The following RPS9 variants were observed in gnomAD, a reference collection of about 807,000 sequenced individuals.
RPS9 encodes small ribosomal subunit protein uS4.
In RPS9, 1 loss-of-function variant was observed where a neutral mutation model predicts 16.9. The ratio of observed to expected loss-of-function variants is 0.06; its 90% CI spans 0.02 to 0.28. RPS9 has a LOEUF of 0.28. RPS9 is among the 10% of genes least tolerant of loss of function. The probability of loss-of-function intolerance (pLI) is 1.00; values close to 1 mark genes in which losing one functional copy is unlikely to be tolerated. For missense variants in RPS9, 137 were observed against 273.2 expected, an observed-to-expected ratio of 0.50 and a Z score of 3.51; for synonymous variants, 106 against 110.9, an observed-to-expected ratio of 0.96 and a Z score of 0.28.
intron 4 of RPS9, chr19:54,206,783 G>A (rs1186357394): frequency 7.1e-7 from 1 of 1,406,864 alleles, no homozygotes; most frequent in Non-Finnish European, 9.3e-7. Context: ...CGCTTGGGTG[G>A]TGGGTTCAGC....
At position 54,206,547 on chromosome 19, in the gene RPS9, A is replaced by G. The variant is rs570217307; in HGVS notation, c.407+85A>G. ...ACTAAGCCTGCTGTCCCTATCTCCTATGCAGCCCTCGGAGGTGATGGGTGT... is the reference window on the plus strand; with the variant it reads ...ACTAAGCCTGCTGTCCCTATCTCCTGTGCAGCCCTCGGAGGTGATGGGTGT... On this transcript the variant is annotated intron_variant, in intron 4 of 4. Coordinates refer to ENST00000302907, the MANE Select transcript of RPS9 (RefSeq NM_001013.4). 1.2e-4 allele frequency: 183 copies of G among 1,579,754 alleles called. 2 individuals carry two copies. The highest frequency in any genetic ancestry group is 1.1e-3 in the South Asian group (94 of 87,644).
chr19:54,202,480 C>G (rs2077091914), intron 3 of RPS9: 1 of 985,008 alleles, frequency 1.0e-6, no homozygotes, highest in Non-Finnish European at 1.2e-6. Flanking sequence ...TGTAAAATGT[C>G]TCAGGGAACA....
chr19:54,204,798 G>A (rs2077185324), intron 3 of RPS9, among the ~76,000 whole-genome samples: 1 of 151,984 alleles, frequency 6.6e-6, no homozygotes, highest in Non-Finnish European at 1.5e-5. Flanking sequence ...CATTTTCATT[G>A]CCTTTTGGAC....
chr19:54,204,773 A>G (rs1165060688), intron 3 of RPS9, among the ~76,000 whole-genome samples: 1 of 152,200 alleles, frequency 6.6e-6, no homozygotes, highest in Non-Finnish European at 1.5e-5. Flanking sequence ...CCAAAGAGGT[A>G]AATGGTCCCA....
At chr19:54,207,089 A>G in intron 4 of RPS9, 1 of 466,730 alleles carries the variant, frequency 2.1e-6, no homozygotes, top group Admixed American at 3.9e-5. Flanking sequence ...GGGGTTCACG[A>G]TATTTCAGAC....
intron 3 of RPS9, chr19:54,202,637 G>C (rs1352798378): frequency 1.0e-6 from 1 of 985,214 alleles, no homozygotes; most frequent in Non-Finnish European, 1.2e-6. Context: ...GGTGTTATTG[G>C]AGTGCTTTCT....
Position 54,200,880 on chromosome 19 carries a change from T to A in RPS9, c.-34T>A. 1 of 1,085,550 alleles carries A rather than the reference T, an allele frequency of 9.2e-7. No homozygotes were observed. The highest frequency in any genetic ancestry group is 1.1e-6 in the Non-Finnish European group (1 of 889,226). 67.2% of individuals were successfully genotyped at this position (1,085,550 alleles called of 1,614,324 possible). A position where few individuals can be genotyped will look rare whatever the true frequency, so the allele number is the denominator to read the frequency against. On this transcript the variant is annotated 5_prime_UTR_variant, in exon 1 of 5. Coordinates refer to ENST00000302907, the MANE Select transcript of RPS9 (RefSeq NM_001013.4). ...CGCCTCTTTCTCAGTGACCGGGTGGTTTGCTTAGGTGAGGTGCGGTGGTGT... is the reference window on the plus strand; with the variant it reads ...CGCCTCTTTCTCAGTGACCGGGTGGATTGCTTAGGTGAGGTGCGGTGGTGT...
intron 3 of RPS9, among the ~76,000 whole-genome samples, chr19:54,205,813 G>T (rs1390713817): frequency 6.6e-6 from 1 of 152,086 alleles, no homozygotes; most frequent in Non-Finnish European, 1.5e-5. Context: ...GGGTAGTTTG[G>T]TTTTTTGTAT....
chr19:54,206,265 A>G lies in RPS9; in HGVS notation c.221-11A>G, dbSNP rs756548837. On this transcript the variant is annotated splice_polypyrimidine_tract_variant and intron_variant, in intron 3 of 4. Coordinates refer to ENST00000302907, the MANE Select transcript of RPS9 (RefSeq NM_001013.4). ...GAAGGCGGAATCAGTGTTTCCTCCC[A>G]CTCTTCCCAGGCAACGCCCTGCTGC... 9.9e-6 allele frequency: 16 copies of G among 1,609,276 alleles called. No homozygotes were observed. Among genetic ancestry groups the G allele is most frequent in the Non-Finnish European group, 1.2e-5 (14 of 1,176,422 alleles).
chr19:54,204,562 G>A (rs3852889), intron 3 of RPS9, among the ~76,000 whole-genome samples: 39,979 of 151,818 alleles, frequency 0.26, 6,534 homozygotes, highest in East Asian at 0.49. Flanking sequence ...CACCATGCCC[G>A]GCTAATTTAG....
chr19:54,206,930 T>A (rs2077261838), intron 4 of RPS9: 1 of 505,072 alleles, frequency 2.0e-6, no homozygotes, highest in Admixed American at 3.6e-5. Flanking sequence ...ATGTTTGCGT[T>A]TAGAATCTTC....
At chr19:54,206,832 G>A (rs1291003228) in intron 4 of RPS9, 14 of 953,264 alleles carry the variant, frequency 1.5e-5, no homozygotes, top group African/African-American at 3.3e-5. Context: ...TCCAGACCCC[G>A]ATCCATGACT....
At position 54,206,391 on chromosome 19, in the gene RPS9, C is replaced by A; in HGVS notation, c.336C>A (p.Thr112=). ...ATTTCTTAGAGAGACGCCTGCAGACCCAGGTCTTCAAGCTGGGCTTGGCCA... is the reference window on the plus strand; with the variant it reads ...ATTTCTTAGAGAGACGCCTGCAGACACAGGTCTTCAAGCTGGGCTTGGCCA... ...IEDFLERRLQ[T]QVFKLGLAKS... The change falls in exon 4 of 5, where the codon ACC becomes ACA. Residue 112 remains threonine, a synonymous_variant. Coordinates refer to ENST00000302907, the MANE Select transcript of RPS9 (RefSeq NM_001013.4). The A allele has an allele frequency of 6.2e-7, 1 of 1,614,228 alleles. No homozygotes were observed. Among genetic ancestry groups the A allele is most frequent in the Non-Finnish European group, 8.5e-7 (1 of 1,180,046 alleles).
chr19:54,201,459 C>A, intron 2 of RPS9, 28 bp from the exon 3 acceptor site: 1 of 1,613,946 alleles, frequency 6.2e-7, no homozygotes, highest in East Asian at 2.2e-5. Context: ...CGTGGGACTA[C>A]ACTTGTCCAC....
chr19:54,201,661 C>T (rs763915493), intron 3 of RPS9, 52 bp downstream of exon 3: 9 of 1,606,792 alleles, frequency 5.6e-6, no homozygotes, highest in Admixed American at 1.7e-5. Context: ...TTGTGAGGTT[C>T]ATTCTCCCTT....
chr19:54,206,143 G>A, intron 3 of RPS9, 133 bp from the exon 4 acceptor site: 2 of 842,450 alleles, frequency 2.4e-6, no homozygotes, highest in Non-Finnish European at 1.8e-6. Context: ...AGTGACATGG[G>A]TCACGGTGAT....
chr19:54,201,450 G>A (rs1156984249), intron 2 of RPS9, 37 bp from the exon 3 acceptor site: 1 of 1,613,392 alleles, frequency 6.2e-7, no homozygotes, highest in Non-Finnish European at 8.5e-7. Context: ...GTGCCAGTAC[G>A]TGGGACTACA....
At chr19:54,202,262 T>C (rs2077084590) in intron 3 of RPS9, 2 of 209,758 alleles carry the variant, frequency 9.5e-6, no homozygotes, top group Non-Finnish European at 1.7e-5. Context: ...CTTGGCTCAC[T>C]GCAAACTCCG....
chr19:54,203,042 T>TGA, intron 3 of RPS9: 1 of 985,312 alleles, frequency 1.0e-6, no homozygotes, highest in Non-Finnish European at 1.2e-6. Flanking sequence ...GATAATCTCA[T>TGA]GAAAGTGCTG....
Sources: allele counts gnomAD v4.1 joint callset (sites outside exome capture counted in the v4.1 genomes callset), GRCh38; gene constraint gnomAD v4.1.1; transcripts MANE v1.5; gene names NCBI Gene and HGNC (gene_info 2026-07-23, HGNC 2026-07-21).